The following STIM2 variants were observed in gnomAD, a reference collection of about 807,000 sequenced individuals.
STIM2 encodes the protein stromal interaction molecule 2.
STIM2 carries 31 observed loss-of-function variants against 85.8 expected under a neutral mutation model. The ratio of observed to expected loss-of-function variants is 0.36; its 90% confidence interval spans 0.27 to 0.49. STIM2 has a LOEUF of 0.49. STIM2 is among the 20% of genes least tolerant of loss of function. The probability of loss-of-function intolerance (pLI) is 0.98; values close to 1 mark genes in which losing one functional copy is unlikely to be tolerated. For synonymous variants in STIM2, 356 were observed against 331.1 expected, an observed-to-expected ratio of 1.08 and a Z score of -0.82; for missense variants, 841 against 927.6, an observed-to-expected ratio of 0.91 and a Z score of 1.21.
intron 3 of STIM2, among the ~76,000 whole-genome samples, chr4:26,961,080 A>T (rs953450473): frequency 1.3e-5 from 2 of 152,142 alleles, no homozygotes; most frequent in African/African-American, 4.8e-5. Context: ...CATACTATAT[A>T]GTAGATATAG....
chr4:26,943,674 A>G (rs1725705389), intron 2 of STIM2, among the ~76,000 whole-genome samples: 1 of 151,996 alleles, frequency 6.6e-6, no homozygotes, highest in Admixed American at 6.6e-5. Flanking sequence ...GCGCTCCGTT[A>G]GTCATTGTTT....
intron 2 of STIM2, among the ~76,000 whole-genome samples, chr4:26,929,737 C>G (rs913395925): frequency 6.6e-6 from 1 of 151,672 alleles, no homozygotes; most frequent in African/African-American, 2.4e-5. Context: ...CTATTTTATA[C>G]CAGATACTCA....
At chr4:27,004,768 G>T (rs1222279347) in intron 7 of STIM2, among the ~76,000 whole-genome samples, 5 of 152,152 alleles carry the variant, frequency 3.3e-5, no homozygotes, top group Admixed American at 3.3e-4. Context: ...GTCAATAAAA[G>T]GCGGTTTAAA....
At chr4:26,877,640 T>C (rs1560191258) in intron 1 of STIM2, among the ~76,000 whole-genome samples, 1 of 152,110 alleles carries the variant, frequency 6.6e-6, no homozygotes, top group Non-Finnish European at 1.5e-5. Context: ...GTTTTGTCAC[T>C]GCTTGGGCTG....
At chr4:26,974,677 CT>C (rs1727112197) in intron 3 of STIM2, among the ~76,000 whole-genome samples, 1 of 152,110 alleles carries the variant, frequency 6.6e-6, no homozygotes, top group East Asian at 1.9e-4. Context: ...ACATTTTTTC[CT>C]TCATTTCAAC....
chr4:27,001,059 G>A (rs1728132980), intron 5 of STIM2, among the ~76,000 whole-genome samples: 1 of 152,174 alleles, frequency 6.6e-6, no homozygotes, highest in Middle Eastern at 3.2e-3. Flanking sequence ...AGAACTGAGA[G>A]TCTCTGACAT....
Position 26,999,231 on chromosome 4 carries a change from G to T in STIM2, c.510-1G>T. The T allele has an allele frequency of 6.4e-7, 1 of 1,571,406 alleles. No homozygotes were observed. The highest frequency in any genetic ancestry group is 8.7e-7 in the Non-Finnish European group (1 of 1,149,064). ...TGTGTGTGTGTTTTTCAAATAAACA[G>T]GATAGCAGTGCACGAACCTTCATTT... On this transcript the variant is annotated splice_acceptor_variant, in intron 4 of 11. Transcript: ENST00000467087. LOFTEE classifies it high-confidence loss of function.
At chr4:26,878,169 T>C (rs960143694) in intron 1 of STIM2, among the ~76,000 whole-genome samples, 2 of 152,218 alleles carry the variant, frequency 1.3e-5, no homozygotes, top group Non-Finnish European at 2.9e-5. Flanking sequence ...TTCTTTTTTA[T>C]ATGTGCTAGG....
chr4:26,967,742 G>A (rs1726776577), intron 3 of STIM2, among the ~76,000 whole-genome samples: 1 of 151,994 alleles, frequency 6.6e-6, no homozygotes, highest in African/African-American at 2.4e-5. Context: ...CTGGTCCAGC[G>A]ACATCTTTCA....
chr4:26,991,920 G>A (rs1432328103), intron 3 of STIM2, among the ~76,000 whole-genome samples: 1 of 152,028 alleles, frequency 6.6e-6, no homozygotes, highest in African/African-American at 2.4e-5. Flanking sequence ...TTAGAAGCTG[G>A]CATTTCTGTA....
rs1002595233 is a variant in STIM2, at chr4:26,954,445, C to T, written c.283-3167C>T. Among the ~76,000 whole-genome samples, 11 of 134,898 alleles carry T rather than the reference C, an allele frequency of 8.2e-5. 1 individual carries two copies. Among genetic ancestry groups the T allele is most frequent in the Non-Finnish European group, 1.1e-4 (7 of 62,472 alleles). 88.5% of individuals were successfully genotyped at this position (134,898 alleles called of 152,430 possible). A position where few individuals can be genotyped will look rare whatever the true frequency, so the allele number is the denominator to read the frequency against. On this transcript the variant is annotated intron_variant, in intron 2 of 11. Transcript: ENST00000467087. ...TTATTTGCCGTACATTATTTGAAGA[C>T]TCACTTCATTGAATTTCAGATCCTA...
At chr4:26,918,228 C>CTTT (rs367780616) in intron 1 of STIM2, among the ~76,000 whole-genome samples, 84 of 130,518 alleles carry the variant, frequency 6.4e-4, no homozygotes, top group South Asian at 3.2e-3. Flanking sequence ...ATCAGTTTGA[C>CTTT]TTTTTTTTTT....
chr4:26,960,659 G>A (rs372388575), intron 3 of STIM2, among the ~76,000 whole-genome samples: 6 of 152,106 alleles, frequency 3.9e-5, no homozygotes, highest in Non-Finnish European at 1.5e-5. Flanking sequence ...AAAACTTAAC[G>A]TTTTTTAAAA....
Position 26,999,432 on chromosome 4 carries a change from T to C in STIM2, c.625+85T>C, listed in dbSNP as rs767186206. On this transcript the variant is annotated intron_variant, in intron 5 of 11. Coordinates refer to ENST00000467087, the MANE Select transcript of STIM2 (RefSeq NM_020860.4). ...TATTTAAGGAAAGAGAAAAATAAGA[T>C]AGTAGGCCTCTAAGAAGAATCATCT... 8.7e-6 allele frequency: 6 copies of C among 688,128 alleles called. No homozygotes were observed. In the South Asian group the frequency reaches 1.5e-4, roughly 18 times the overall value. The allele number at this position is 688,128 out of a possible 1,614,324, so 42.6% of individuals were successfully genotyped here.
At chr4:26,904,520 A>G (rs1417461697) in intron 1 of STIM2, among the ~76,000 whole-genome samples, 1 of 152,136 alleles carries the variant, frequency 6.6e-6, no homozygotes, top group African/African-American at 2.4e-5. Context: ...ATGCTTACTT[A>G]TAGGCACGAT....
chr4:26,965,378 C>G (rs1225895372), intron 3 of STIM2, among the ~76,000 whole-genome samples: 1 of 152,152 alleles, frequency 6.6e-6, no homozygotes, highest in Non-Finnish European at 1.5e-5. Flanking sequence ...GATTAATTTA[C>G]AAATTTGGCA....
At position 27,002,386 on chromosome 4, in the gene STIM2, AC is replaced by A; in HGVS notation, c.796del (p.Gln266ArgfsTer16). 1 of 1,598,876 alleles carries A rather than the reference AC, an allele frequency of 6.3e-7. No homozygotes were observed. Among genetic ancestry groups the A allele is most frequent in the Non-Finnish European group, 8.5e-7 (1 of 1,175,856 alleles). On this transcript the variant is annotated frameshift_variant, in exon 6 of 12. Transcript: ENST00000467087. LOFTEE classifies it high-confidence loss of function. Reference sequence around the variant, plus strand: ...CTGCAGAGCAAAGTCTAATGGACTTACAGGAGAGGTAAGTTCAGAAAAATCA... The same window carrying A: ...CTGCAGAGCAAAGTCTAATGGACTTAAGGAGAGGTAAGTTCAGAAAAATCA...
intron 3 of STIM2, among the ~76,000 whole-genome samples, chr4:26,992,462 C>A (rs929178034): frequency 1.3e-5 from 2 of 151,964 alleles, no homozygotes; most frequent in East Asian, 3.9e-4. Flanking sequence ...TACCTGTAAT[C>A]TCAGCACTTT....
chr4:26,968,367 C>A (rs562336388), intron 3 of STIM2, among the ~76,000 whole-genome samples: 1 of 151,928 alleles, frequency 6.6e-6, no homozygotes, highest in Non-Finnish European at 1.5e-5. Context: ...TTCTGACATA[C>A]GCACAACATG....
Sources: gnomAD v4.1 joint callset for allele counts (sites outside exome capture counted in the v4.1 genomes callset) on GRCh38, gnomAD v4.1.1 for gene constraint, MANE v1.5 for transcripts, NCBI Gene and HGNC (gene_info 2026-07-23, HGNC 2026-07-21) for gene names.